The following SOX5 variants were observed in gnomAD, a reference collection of about 807,000 sequenced individuals.
The protein encoded by SOX5 is transcription factor SOX-5.
In SOX5, 9 loss-of-function variants were observed where a neutral mutation model predicts 92.0. That is an observed-to-expected ratio of 0.10 (90% CI 0.06 to 0.17). The LOEUF is 0.17. Ranked by LOEUF, SOX5 falls within the 10% of genes least tolerant of loss-of-function variation. The pLI, the probability that SOX5 is intolerant of heterozygous loss-of-function variation, is 1.00. For synonymous variants in SOX5, 344 were observed against 336.3 expected (o/e 1.02, Z -0.25); for missense variants, 642 against 944.5 (o/e 0.68, Z 4.20).
intron 2 of SOX5, among the ~76,000 whole-genome samples, chr12:24,357,768 G>C (rs1173534839): frequency 6.6e-6 from 1 of 151,602 alleles, no homozygotes; most frequent in African/African-American, 2.4e-5. Flanking sequence ...TTGAACCTGG[G>C]AGGCGGAGGT....
intron 13 of SOX5, 90 bp downstream of exon 13, chr12:23,543,121 G>C: frequency 9.7e-7 from 1 of 1,029,046 alleles, no homozygotes. Context: ...CGACCTGTAT[G>C]GCCTCCAAAT....
At chr12:24,459,798 T>G (rs933772150) in intron 1 of SOX5, among the ~76,000 whole-genome samples, 140 of 152,294 alleles carry the variant, frequency 9.2e-4, no homozygotes, top group African/African-American at 3.2e-3. Flanking sequence ...ATTTGAACTA[T>G]AAAAGAACTA....
Position 23,623,782 on chromosome 12 carries a change from A to T in SOX5, c.1017+17030T>A, listed in dbSNP as rs531168931. ...CCTCACATCCATTAGGATAACAATC[A>T]TAAAAAAAGAAACATACAATTACCA... On this transcript the variant is annotated intron_variant, in intron 8 of 14. Coordinates refer to ENST00000451604, the MANE Select transcript of SOX5 (RefSeq NM_006940.6). Among the ~76,000 whole-genome samples, 12 of 152,278 alleles carry T rather than the reference A, an allele frequency of 7.9e-5. No individual in the cohort carries two copies. The Middle Eastern group carries it at 0.01, about 129-fold the overall frequency.
At chr12:24,009,522 A>T (rs1418869100) in intron 4 of SOX5, among the ~76,000 whole-genome samples, 1 of 152,154 alleles carries the variant, frequency 6.6e-6, no homozygotes, top group East Asian at 1.9e-4. Flanking sequence ...AATTACCTCA[A>T]ATTTAGAGCA....
intron 4 of SOX5, among the ~76,000 whole-genome samples, chr12:23,969,887 G>A (rs915109894): frequency 2.0e-5 from 3 of 152,126 alleles, no homozygotes; most frequent in South Asian, 2.1e-4. Context: ...CCAAACCAGC[G>A]AACAAACAGT....
intron 2 of SOX5, among the ~76,000 whole-genome samples, chr12:24,327,341 C>G (rs192608992): frequency 7.0e-6 from 1 of 142,788 alleles, no homozygotes; most frequent in Non-Finnish European, 1.5e-5. Flanking sequence ...ATACAGATGA[C>G]GCAGGTGCAC....
At chr12:23,916,078 A>C (rs1032205099) in intron 1 of SOX5, among the ~76,000 whole-genome samples, 1 of 152,218 alleles carries the variant, frequency 6.6e-6, no homozygotes, top group African/African-American at 2.4e-5. Flanking sequence ...TCAAGCTAAC[A>C]CAAGAAATAA....
chr12:24,165,997 A>G (rs1395031942), intron 4 of SOX5, among the ~76,000 whole-genome samples: 1 of 152,200 alleles, frequency 6.6e-6, no homozygotes, highest in Non-Finnish European at 1.5e-5. Flanking sequence ...CGATATGTTT[A>G]AAGAGATAGT....
chr12:24,102,837 T>G (rs1946246675), intron 4 of SOX5, among the ~76,000 whole-genome samples: 1 of 152,260 alleles, frequency 6.6e-6, no homozygotes, highest in South Asian at 2.1e-4. Flanking sequence ...TTTTGTTTTA[T>G]TATGTTAGAG....
At chr12:23,986,978 A>G (rs1950119402) in intron 4 of SOX5, among the ~76,000 whole-genome samples, 1 of 152,158 alleles carries the variant, frequency 6.6e-6, no homozygotes, top group Middle Eastern at 3.2e-3. Flanking sequence ...AAGAATATTT[A>G]CTTTCTTCTC....
intron 7 of SOX5, among the ~76,000 whole-genome samples, chr12:23,656,966 GA>G (rs1014285743): frequency 2.0e-5 from 3 of 151,652 alleles, no homozygotes; most frequent in Non-Finnish European, 3.0e-5. Context: ...TAATATATTA[GA>G]AAAAAAATAT....
intron 6 of SOX5, among the ~76,000 whole-genome samples, chr12:23,725,622 G>C (rs930494352): frequency 3.9e-5 from 6 of 152,256 alleles, no homozygotes; most frequent in African/African-American, 7.2e-5. Context: ...TGAAGATCAG[G>C]AGAGAAATTT....
chr12:24,340,568 G>C (rs1384275862), intron 2 of SOX5, among the ~76,000 whole-genome samples: 2 of 152,176 alleles, frequency 1.3e-5, no homozygotes, highest in African/African-American at 4.8e-5. Flanking sequence ...AAATGGGCTT[G>C]TCTGATCTCT....
At chr12:24,369,461 G>A (rs1177132966) in intron 1 of SOX5, among the ~76,000 whole-genome samples, 3 of 152,144 alleles carry the variant, frequency 2.0e-5, no homozygotes, top group African/African-American at 7.2e-5. Flanking sequence ...GGACACCAAA[G>A]GCTCAAGTGA....
intron 3 of SOX5, among the ~76,000 whole-genome samples, chr12:23,775,135 T>C (rs973382397): frequency 6.6e-6 from 1 of 152,214 alleles, no homozygotes. Context: ...ATGCTCTAAA[T>C]AGCATGCATA....
chr12:24,546,917 C>A (rs1461834407), intron 1 of SOX5, among the ~76,000 whole-genome samples: 2 of 152,122 alleles, frequency 1.3e-5, no homozygotes, highest in Non-Finnish European at 2.9e-5. Flanking sequence ...CTTTGGAAGG[C>A]TTGGACATAG....
chr12:23,871,006 C>G (rs2096866946), intron 2 of SOX5, among the ~76,000 whole-genome samples: 1 of 151,964 alleles, frequency 6.6e-6, no homozygotes, highest in Non-Finnish European at 1.5e-5. Context: ...AACAGAAATA[C>G]TTAACTATGA....
chr12:24,214,701 T>G (rs1959032073), intron 3 of SOX5, among the ~76,000 whole-genome samples: 1 of 152,104 alleles, frequency 6.6e-6, no homozygotes, highest in South Asian at 2.1e-4. Flanking sequence ...ATGACAATAC[T>G]TCAAACTGTA....
chr12:23,824,702 C>T (rs1568086717), intron 3 of SOX5, among the ~76,000 whole-genome samples: 1 of 152,328 alleles, frequency 6.6e-6, no homozygotes, highest in East Asian at 1.9e-4. Context: ...CCCCTTCCCC[C>T]AGGAGCTCAG....
Sources: gnomAD v4.1 joint callset for allele counts (sites outside exome capture counted in the v4.1 genomes callset) on GRCh38, gnomAD v4.1.1 for gene constraint, MANE v1.5 for transcripts, NCBI Gene and HGNC (gene_info 2026-07-23, HGNC 2026-07-21) for gene names.